The following ADCY5 variants were observed in gnomAD, a reference collection of about 807,000 sequenced individuals.
ADCY5 encodes the protein adenylate cyclase type 5.
ADCY5 carries 30 observed loss-of-function variants against 119.7 expected under a neutral mutation model. The ratio of observed to expected loss-of-function variants is 0.25; its 90% CI spans 0.19 to 0.34. The LOEUF (loss-of-function observed/expected upper bound fraction) is 0.34, where lower values mean the gene tolerates loss of function less well. ADCY5 is among the 10% of genes least tolerant of loss of function. The probability of loss-of-function intolerance (pLI) is 1.00; values close to 1 mark genes in which losing one functional copy is unlikely to be tolerated. For missense variants in ADCY5, 1,324 were observed against 1,775.2 expected (o/e 0.75, Z 4.57); for synonymous variants, 753 against 762.2 (o/e 0.99, Z 0.20).
At chr3:123,336,043 G>A (rs934807614) in intron 3 of ADCY5, among the ~76,000 whole-genome samples, 3 of 152,244 alleles carry the variant, frequency 2.0e-5, no homozygotes, top group African/African-American at 4.8e-5. Context: ...CTGCTCCAGC[G>A]TGTGCAGCTG....
intron 13 of ADCY5, 71 bp from the exon 14 acceptor site, chr3:123,303,290 C>T: frequency 6.7e-7 from 1 of 1,492,018 alleles, no homozygotes; most frequent in Non-Finnish European, 9.2e-7. Context: ...CCCAGCCCAC[C>T]AGGCCGCAGG....
rs1491543049 is a variant in ADCY5, at chr3:123,396,052, G to GA, written c.1135-43472_1135-43471insT. On this transcript the variant is annotated intron_variant, in intron 1 of 20. Coordinates refer to ENST00000462833, the MANE Select transcript of ADCY5 (RefSeq NM_183357.3). ...AGGGAGAGAGGGAGGGAGGGAGAGA[G>GA]GGAGGGAGGGTGGGAGGGAGAGGGA... Among the ~76,000 whole-genome samples the GA allele has an allele frequency of 3.1e-3, 228 of 72,988 alleles. 10 individuals are homozygous for GA. The highest frequency in any genetic ancestry group is 0.011 in the African/African-American group (188 of 17,222). 47.9% of individuals were successfully genotyped at this position (72,988 alleles called of 152,430 possible).
chr3:123,392,051 G>C lies in ADCY5; in HGVS notation c.1135-39470C>G, dbSNP rs149988598. ...TGCTGAAAGCCTGCCTGCTCTGGAC[G>C]AGCGCCTCCTCCTCACATCTAAAGC... On this transcript the variant is annotated intron_variant, in intron 1 of 20. Transcript: ENST00000462833. Among the ~76,000 whole-genome samples the C allele has an allele frequency of 2.1e-3, 315 of 152,290 alleles. 1 individual carries two copies. The highest frequency in any genetic ancestry group is 7.3e-3 in the African/African-American group (304 of 41,568).
At chr3:123,312,389 G>A (rs553314533) in intron 12 of ADCY5, among the ~76,000 whole-genome samples, 1 of 151,926 alleles carries the variant, frequency 6.6e-6, no homozygotes, top group Non-Finnish European at 1.5e-5. Flanking sequence ...TTTTCATTGT[G>A]GCAATATTTA....
At chr3:123,358,184 GT>G (rs1205891338) in intron 1 of ADCY5, among the ~76,000 whole-genome samples, 4 of 144,550 alleles carry the variant, frequency 2.8e-5, no homozygotes, top group African/African-American at 1.1e-4. Flanking sequence ...GTGTGTGTGT[GT>G]GTGTGTGTGT....
At chr3:123,431,330 G>A (rs1576693007) in intron 1 of ADCY5, among the ~76,000 whole-genome samples, 1 of 152,106 alleles carries the variant, frequency 6.6e-6, no homozygotes, top group East Asian at 1.9e-4. Flanking sequence ...CCCTACTCAG[G>A]AGGCTGAGGC....
chr3:123,328,835 G>T (rs1379730609), intron 5 of ADCY5, 33 bp from the exon 6 acceptor site: 8 of 1,606,360 alleles, frequency 5.0e-6, no homozygotes, highest in African/African-American at 1.3e-5. Context: ...GCTGGGAGAA[G>T]GCTGGAGGCC....
chr3:123,446,756 G>A (rs1945822881), intron 1 of ADCY5, among the ~76,000 whole-genome samples: 1 of 152,146 alleles, frequency 6.6e-6, no homozygotes, highest in Non-Finnish European at 1.5e-5. Context: ...TTTCTGCTCA[G>A]GCCGGAAGGG....
chr3:123,366,305 T>G (rs1404197563), intron 1 of ADCY5, among the ~76,000 whole-genome samples: 2 of 152,200 alleles, frequency 1.3e-5, no homozygotes, highest in African/African-American at 2.4e-5. Context: ...CCAGGTTACT[T>G]GCAGAATATC....
intron 1 of ADCY5, among the ~76,000 whole-genome samples, chr3:123,416,819 C>T (rs191498698): frequency 1.3e-4 from 20 of 152,048 alleles, no homozygotes; most frequent in Non-Finnish European, 1.8e-4. Context: ...GTGTATTTGG[C>T]GATGAAGACT....
At chr3:123,305,975 T>A (rs1009404230) in intron 12 of ADCY5, among the ~76,000 whole-genome samples, 10 of 152,136 alleles carry the variant, frequency 6.6e-5, no homozygotes, top group Non-Finnish European at 1.3e-4. Flanking sequence ...GGCTGAAAGA[T>A]GAAGGCCTGG....
chr3:123,431,053 G>A (rs150836811), intron 1 of ADCY5, among the ~76,000 whole-genome samples: 3 of 152,262 alleles, frequency 2.0e-5, no homozygotes, highest in East Asian at 1.9e-4. Context: ...GGGAGTTGCC[G>A]GCTATATAAT....
chr3:123,432,344 CAA>C (rs1378482569), intron 1 of ADCY5, among the ~76,000 whole-genome samples: 2 of 152,052 alleles, frequency 1.3e-5, no homozygotes, highest in Non-Finnish European at 2.9e-5. Flanking sequence ...TTAACAGCTG[CAA>C]AGAGAGAAGT....
intron 2 of ADCY5, among the ~76,000 whole-genome samples, chr3:123,351,193 G>A (rs1400925300): frequency 6.6e-6 from 1 of 152,070 alleles, no homozygotes; most frequent in Non-Finnish European, 1.5e-5. Context: ...GGGGACTGGG[G>A]GGCCTGGAGA....
intron 1 of ADCY5, among the ~76,000 whole-genome samples, chr3:123,399,322 T>A (rs1944690800): frequency 6.6e-6 from 1 of 152,244 alleles, no homozygotes; most frequent in Admixed American, 6.5e-5. Flanking sequence ...TTTCCCTTTT[T>A]AAAAAATACA....
At chr3:123,364,313 A>T (rs1943356969) in intron 1 of ADCY5, among the ~76,000 whole-genome samples, 1 of 152,238 alleles carries the variant, frequency 6.6e-6, no homozygotes, top group South Asian at 2.1e-4. Context: ...AGATAAAATG[A>T]GAATGAAAAT....
Position 123,368,192 on chromosome 3 carries a change from C to G in ADCY5, c.1135-15611G>C, listed in dbSNP as rs116666287. 2,539 of 604,778 alleles carry G rather than the reference C, an allele frequency of 4.2e-3. 59 individuals carry two copies. The African/African-American group carries it at 0.044, about 11-fold the overall frequency. The allele number at this position is 604,778 out of a possible 1,614,324, so 37.5% of individuals were successfully genotyped here. A position where few individuals can be genotyped will look rare whatever the true frequency, so the allele number is the denominator to read the frequency against. On this transcript the variant is annotated intron_variant, in intron 1 of 20. Transcript: ENST00000462833. ...ATCTCTATAATGGAGCTAATGACGCCTGCGAATAAGACACCAATGCTAACA... is the reference window on the plus strand; with the variant it reads ...ATCTCTATAATGGAGCTAATGACGCGTGCGAATAAGACACCAATGCTAACA...
At chr3:123,409,390 C>T (rs1346240013) in intron 1 of ADCY5, among the ~76,000 whole-genome samples, 5 of 152,188 alleles carry the variant, frequency 3.3e-5, no homozygotes, top group Non-Finnish European at 7.3e-5. Flanking sequence ...GGAAAAAGGA[C>T]AGACGGCCCA....
intron 1 of ADCY5, among the ~76,000 whole-genome samples, chr3:123,403,085 T>TA (rs1306464196): frequency 6.6e-6 from 1 of 151,774 alleles, no homozygotes; most frequent in Non-Finnish European, 1.5e-5. Flanking sequence ...GAGCAGCACT[T>TA]AGAGCACAGA....
Sources: allele counts gnomAD v4.1 joint callset (sites outside exome capture counted in the v4.1 genomes callset), GRCh38; gene constraint gnomAD v4.1.1; transcripts MANE v1.5; gene names NCBI Gene and HGNC (gene_info 2026-07-23, HGNC 2026-07-21).